Variants in ZER1 observed in about 807,000 individuals in gnomAD.
ZER1 encodes the protein zyg-11 related cell cycle regulator, also known as protein zer-1 homolog.
In ZER1, 11 loss-of-function variants were observed where a neutral mutation model predicts 78.8. The ratio of observed to expected loss-of-function variants is 0.14; its 90% CI spans 0.09 to 0.23. ZER1 has a LOEUF of 0.23. Ranked by LOEUF, ZER1 falls within the 10% of genes least tolerant of loss-of-function variation. The probability of loss-of-function intolerance (pLI) is 1.00; values close to 1 mark genes in which losing one functional copy is unlikely to be tolerated. For synonymous variants in ZER1, 400 were observed against 407.0 expected (o/e 0.98, Z 0.21); for missense variants, 588 against 996.9 (o/e 0.59, Z 5.52).
chr9:128,735,725 G>C lies in ZER1; in HGVS notation c.2043-294C>G, dbSNP rs117780527. ...GAGACCCAGCCTGTGGGGAAGAGGGGAGAGGCACCCTGGGAACAGAAGCAC... is the reference window on the plus strand; with the variant it reads ...GAGACCCAGCCTGTGGGGAAGAGGGCAGAGGCACCCTGGGAACAGAAGCAC... On this transcript the variant is annotated intron_variant, in intron 13 of 15. Transcript: ENST00000291900. Among the ~76,000 whole-genome samples, 364 of 149,474 alleles carry C rather than the reference G, an allele frequency of 2.4e-3. 9 individuals carry two copies. In the East Asian group the frequency reaches 0.027, roughly 11 times the overall value.
chr9:128,753,512 G>C lies in ZER1; in HGVS notation c.398C>G (p.Ser133Cys). The part of the protein sequence containing the change: ...TLRSFSHTLV[S>C]LSLFGCTNIF... The stretch of plus-strand genomic sequence containing the variant: ...GTTTGTACAGCCGAAGAGGCTCAAG[G>C]ACACCAGGGTGTGGCTGAAGCTCCT... Residue 133 changes from serine to cysteine, a missense_variant, in exon 4 of 16, where the codon TCC (serine) becomes TGC (cysteine). Ser to Cys is a moderately radical substitution (Grantham distance 112). Coordinates refer to ENST00000291900, the MANE Select transcript of ZER1 (RefSeq NM_006336.4). This position sits in a 1 kb window ranked among gnomAD's most constrained non-coding sequence, Gnocchi z 7.5. 1 of 1,614,106 alleles carries C rather than the reference G, an allele frequency of 6.2e-7. No individual in the cohort carries two copies. Among genetic ancestry groups the C allele is most frequent in the Non-Finnish European group, 8.5e-7 (1 of 1,180,026 alleles).
At chr9:128,745,231 G>C (rs1572917) in intron 8 of ZER1, among the ~76,000 whole-genome samples, 145,927 of 145,936 alleles carry the variant, frequency 1, 72,959 homozygotes, top group Middle Eastern at 1. Context: ...GACAGTGTCT[G>C]ATTCTGTTGC....
chr9:128,739,041 G>A (rs536164528), intron 13 of ZER1, among the ~76,000 whole-genome samples: 8 of 151,484 alleles, frequency 5.3e-5, no homozygotes, highest in South Asian at 2.1e-4. Context: ...TAGTAGGGAC[G>A]GGGTTTCACC....
intron 1 of ZER1, among the ~76,000 whole-genome samples, chr9:128,760,565 A>G (rs1021284052): frequency 2.0e-5 from 3 of 152,066 alleles, no homozygotes; most frequent in African/African-American, 7.2e-5. Flanking sequence ...ACCCAGTTAT[A>G]CAATTCACTG....
chr9:128,768,294 G>A (rs149645358), intron 1 of ZER1, among the ~76,000 whole-genome samples: 1 of 152,170 alleles, frequency 6.6e-6, no homozygotes, highest in Non-Finnish European at 1.5e-5. Flanking sequence ...CAGTCTTCCA[G>A]CTAGTGGGCC....
intron 1 of ZER1, among the ~76,000 whole-genome samples, chr9:128,761,265 G>C (rs1864036537): frequency 6.6e-6 from 1 of 151,732 alleles, no homozygotes; most frequent in Non-Finnish European, 1.5e-5. Flanking sequence ...AACAGACTAA[G>C]TACACAACAT....
chr9:128,752,574 G>T, intron 5 of ZER1, 99 bp downstream of exon 5: 1 of 1,339,490 alleles, frequency 7.5e-7, no homozygotes, highest in Non-Finnish European at 1.0e-6. Context: ...GCCCATCTTG[G>T]CTTCCCAAAG....
At chr9:128,749,065 C>T (rs750846576) in intron 8 of ZER1, among the ~76,000 whole-genome samples, 2 of 149,834 alleles carry the variant, frequency 1.3e-5, no homozygotes, top group African/African-American at 2.4e-5. Flanking sequence ...CGGTGGCTCA[C>T]GCCTGTAATC....
chr9:128,744,949 T>A (rs1315785316), intron 8 of ZER1, among the ~76,000 whole-genome samples: 1 of 152,206 alleles, frequency 6.6e-6, no homozygotes, highest in Non-Finnish European at 1.5e-5. Flanking sequence ...AGTTGGCTAC[T>A]GTGAGCCATG....
chr9:128,767,433 A>T (rs1864250773), intron 1 of ZER1, among the ~76,000 whole-genome samples: 1 of 151,558 alleles, frequency 6.6e-6, no homozygotes, highest in African/African-American at 2.4e-5. Context: ...TTTTGTAGCG[A>T]TGAGGGCTCA....
chr9:128,770,038 T>C (rs1864334767), intron 1 of ZER1, among the ~76,000 whole-genome samples: 1 of 152,062 alleles, frequency 6.6e-6, no homozygotes, highest in South Asian at 2.1e-4. Flanking sequence ...CTTCCCCACC[T>C]TTTTCTGGTC....
intron 1 of ZER1, among the ~76,000 whole-genome samples, chr9:128,767,691 G>A (rs921776044): frequency 3.3e-5 from 5 of 152,160 alleles, no homozygotes; most frequent in African/African-American, 9.7e-5. Context: ...ATGCTATGGG[G>A]AGGGACCATT....
chr9:128,739,441 G>T (rs560594753), intron 13 of ZER1, among the ~76,000 whole-genome samples: 1 of 151,086 alleles, frequency 6.6e-6, no homozygotes, highest in Non-Finnish European at 1.5e-5. Flanking sequence ...GGCAGAGCTT[G>T]CAGTCAGCTG....
At chr9:128,770,167 G>C (rs1478971719) in intron 1 of ZER1, among the ~76,000 whole-genome samples, 1 of 152,012 alleles carries the variant, frequency 6.6e-6, no homozygotes, top group Non-Finnish European at 1.5e-5. Context: ...TTGTCACCCA[G>C]GCTGGAATGC....
At chr9:128,736,393 CTTT>C (rs1439628856) in intron 13 of ZER1, among the ~76,000 whole-genome samples, 1 of 132,750 alleles carries the variant, frequency 7.5e-6, no homozygotes, top group Non-Finnish European at 1.6e-5. Flanking sequence ...GCCCTTTTTT[CTTT>C]GTTTTTTTTT....
chr9:128,747,034 A>G lies in ZER1; in HGVS notation c.1359+3582T>C, dbSNP rs1863515612. Among the ~76,000 whole-genome samples, 6 of 152,170 alleles carry G rather than the reference A, an allele frequency of 3.9e-5. No individual in the cohort carries two copies. The South Asian group carries it at 1.0e-3, about 26-fold the overall frequency. ...GCCAACATGGTGAAATCTTGTCTCT[A>G]TTAAAAATACAAAAATTAGCCAGGC... On this transcript the variant is annotated intron_variant, in intron 8 of 15. Coordinates refer to ENST00000291900, the MANE Select transcript of ZER1 (RefSeq NM_006336.4).
Position 128,755,568 on chromosome 9 carries a change from T to C in ZER1, c.-3A>G. On this transcript the variant is annotated 5_prime_UTR_variant, in exon 2 of 16. Coordinates refer to ENST00000291900, the MANE Select transcript of ZER1 (RefSeq NM_006336.4). The surrounding 1 kb of genome is among the most constrained non-coding windows in gnomAD (Gnocchi z 5.6). ...GACTCGGGAGTGTCGGACGCCATGC[T>C]GGGGGCAAGCAGGTGGGCCACTCCA... 6.2e-7 allele frequency: 1 copy of C among 1,610,340 alleles called. No homozygotes were observed. Among genetic ancestry groups the C allele is most frequent in the Non-Finnish European group, 8.5e-7 (1 of 1,176,980 alleles).
In ZER1 at chr9:128,753,192, G is replaced by A. The variant is rs558393155; in HGVS notation, c.718C>T (p.Arg240Trp). 3.9e-5 allele frequency: 61 copies of A among 1,562,898 alleles called. 1 individual carries two copies. The highest frequency in any genetic ancestry group is 1.8e-4 in the South Asian group (15 of 85,446). ...AGCTTGTGCAGCTGCACGATGACCC[G>A]GATGTGGTCGTCGGACAGGTCCATG... ...YNMDLSDDHIRVIVQLHKLRH... is the reference protein window; with the variant it reads ...YNMDLSDDHIWVIVQLHKLRH... The change falls in exon 4 of 16, where the codon CGG becomes TGG. Residue 240 changes from arginine (R) to tryptophan (W), a missense_variant. By Grantham distance (101) the Arg-to-Trp change is moderately radical. This residue lies in a region of ZER1 where 406 missense variants were observed against 660.1 expected (regional missense o/e 0.62). Coordinates refer to ENST00000291900, the MANE Select transcript of ZER1 (RefSeq NM_006336.4). This position sits in a 1 kb window ranked among gnomAD's most constrained non-coding sequence, Gnocchi z 7.5.
rs778589582 is a variant in ZER1, at chr9:128,751,428, G to A, written c.1023C>T (p.His341=). 2.5e-5 allele frequency: 40 copies of A among 1,614,142 alleles called. No individual in the cohort carries two copies. Among genetic ancestry groups the A allele is most frequent in the Non-Finnish European group, 3.4e-5 (40 of 1,180,026 alleles). The part of the protein sequence containing the change: ...LFENSLCRLT[H]IPAYKVSGDK... ...CACTGCTCACTTTGTAGGCTGGAAT[G>A]TGCGTGAGGCGGCACAGAGAGTTCT... Residue 341 remains histidine, a synonymous_variant, in exon 6 of 16, where the codon CAC becomes CAT. Transcript: ENST00000291900. This position sits in a 1 kb window ranked among gnomAD's most constrained non-coding sequence, Gnocchi z 5.4.
Sources: allele counts gnomAD v4.1 joint callset (sites outside exome capture counted in the v4.1 genomes callset), GRCh38; gene constraint gnomAD v4.1.1; regional missense constraint gnomAD v4.1.1; non-coding constraint Gnocchi (gnomAD v3.1); transcripts MANE v1.5; gene names NCBI Gene and HGNC (gene_info 2026-07-23, HGNC 2026-07-21).